SGCD: variants seen among roughly 807,000 people sequenced by gnomAD.
SGCD encodes sarcoglycan delta, also known as delta-sarcoglycan.
SGCD carries 18 observed loss-of-function variants against 36.6 expected under a neutral mutation model. The ratio of observed to expected loss-of-function variants is 0.49; its 90% CI spans 0.34 to 0.73. SGCD has a LOEUF of 0.73. SGCD is among the 30% of genes least tolerant of loss of function. The pLI, the probability that SGCD is intolerant of heterozygous loss-of-function variation, is 0.01. For synonymous variants in SGCD, 133 were observed against 130.6 expected (o/e 1.02, Z -0.12); for missense variants, 387 against 346.7 (o/e 1.12, Z -0.92).
At chr5:155,884,371 C>T (rs1229200919) in intron 1 of SGCD, among the ~76,000 whole-genome samples, 8 of 152,172 alleles carry the variant, frequency 5.3e-5, no homozygotes, top group East Asian at 1.9e-4. Context: ...AGTCCTGCCC[C>T]GTTCTCTGCC....
At chr5:156,609,413 G>C (rs182581388) in intron 6 of SGCD, among the ~76,000 whole-genome samples, 8,176 of 152,014 alleles carry the variant, frequency 0.054, 650 homozygotes, top group African/African-American at 0.17. Flanking sequence ...CCGAGAGATC[G>C]GCTGTTAGTC....
intron 3 of SGCD, among the ~76,000 whole-genome samples, chr5:156,383,447 T>G (rs1480429801): frequency 6.6e-6 from 1 of 151,798 alleles, no homozygotes; most frequent in Non-Finnish European, 1.5e-5. Context: ...GAGGTTACAG[T>G]GGGCCAAGAT....
chr5:156,433,320 G>A (rs982410761), intron 3 of SGCD, among the ~76,000 whole-genome samples: 3 of 152,078 alleles, frequency 2.0e-5, no homozygotes, highest in Admixed American at 6.6e-5. Context: ...ATTTGGACCA[G>A]GCAGATACCA....
chr5:156,279,216 A>G (rs928872731), intron 3 of SGCD, among the ~76,000 whole-genome samples: 11 of 152,318 alleles, frequency 7.2e-5, no homozygotes, highest in Admixed American at 7.2e-4. Flanking sequence ...TGGGCGGGGT[A>G]GGAAACACAA....
At chr5:156,095,376 G>C (rs1265963379) in intron 1 of SGCD, among the ~76,000 whole-genome samples, 2 of 152,194 alleles carry the variant, frequency 1.3e-5, no homozygotes, top group Non-Finnish European at 2.9e-5. Context: ...AGGGCAACAA[G>C]TGAGATAGTG....
At chr5:156,610,751 C>T (rs1401426224) in intron 6 of SGCD, among the ~76,000 whole-genome samples, 2 of 152,246 alleles carry the variant, frequency 1.3e-5, no homozygotes, top group African/African-American at 4.8e-5. Flanking sequence ...GTGGGCGCCC[C>T]TCCCCCAGCC....
chr5:156,146,435 G>T (rs1232419581), intron 3 of SGCD, among the ~76,000 whole-genome samples: 1 of 152,188 alleles, frequency 6.6e-6, no homozygotes, highest in Non-Finnish European at 1.5e-5. Context: ...AAAGGTACTT[G>T]ATGGTAGATG....
At chr5:155,790,021 G>A in the SGCD span, among the ~76,000 whole-genome samples, 3 of 151,954 alleles carry the variant, frequency 2.0e-5, no homozygotes, top group African/African-American at 7.2e-5. Flanking sequence ...AGAGCAATAA[G>A]GATCAAGTTA....
intron 3 of SGCD, among the ~76,000 whole-genome samples, chr5:156,473,944 C>T (rs1755075576): frequency 6.7e-6 from 1 of 150,338 alleles, no homozygotes; most frequent in Admixed American, 6.6e-5. Flanking sequence ...CAGTTTTCAA[C>T]TGTAGCTGTT....
At chr5:156,014,060 A>G (rs1436610032) in intron 1 of SGCD, among the ~76,000 whole-genome samples, 1 of 151,910 alleles carries the variant, frequency 6.6e-6, no homozygotes, top group Non-Finnish European at 1.5e-5. Context: ...ATCTTTTGCT[A>G]AGGGATGAAA....
intron 1 of SGCD, among the ~76,000 whole-genome samples, chr5:156,094,490 C>A (rs566939936): frequency 1.3e-5 from 2 of 152,214 alleles, no homozygotes; most frequent in Non-Finnish European, 1.5e-5. Context: ...TATTTATTCT[C>A]ATTTCCCAGT....
At chr5:155,855,368 ATAATATGCC>A in the SGCD span, among the ~76,000 whole-genome samples, 1 of 152,146 alleles carries the variant, frequency 6.6e-6, no homozygotes, top group African/African-American at 2.4e-5. Flanking sequence ...AATTTGTTTG[ATAATATGCC>A]CTTTGTTAAC....
chr5:156,534,053 G>GT (rs1170700003), intron 4 of SGCD, among the ~76,000 whole-genome samples: 1 of 152,050 alleles, frequency 6.6e-6, no homozygotes, highest in Non-Finnish European at 1.5e-5. Flanking sequence ...AATTTGCGTG[G>GT]TTTTTTCGGT....
At chr5:155,921,525 C>T (rs1452754623) in intron 1 of SGCD, among the ~76,000 whole-genome samples, 3 of 151,680 alleles carry the variant, frequency 2.0e-5, no homozygotes, top group Admixed American at 6.6e-5. Flanking sequence ...TGGGCTGAGA[C>T]TCTGGAAAGA....
chr5:156,344,602 C>T lies in SGCD; in HGVS notation c.117C>T (p.Val39=), dbSNP rs1768850599. ...GWRKRCLYFF[V]LLLMILILVN... is the part of the protein sequence containing the mutation. ...GGAAACGATGCCTGTATTTCTTTGT[C>T]CTGCTCCTCATGATTTTAATACTGG... is the stretch of plus-strand genomic sequence containing the variant. Residue 39 remains valine, a synonymous_variant, in exon 3 of 9, where the codon GTC becomes GTT. Coordinates refer to ENST00000337851, the MANE Select transcript of SGCD (RefSeq NM_000337.6). 1.2e-6 allele frequency: 2 copies of T among 1,611,792 alleles called. No individual in the cohort carries two copies. The highest frequency in any genetic ancestry group is 4.5e-5 in the East Asian group (2 of 44,760).
chr5:156,439,322 A>C (rs980801200), intron 3 of SGCD, among the ~76,000 whole-genome samples: 3 of 152,130 alleles, frequency 2.0e-5, no homozygotes, highest in African/African-American at 7.2e-5. Context: ...ATTGTGTGAC[A>C]TTGTGCTTCA....
chr5:156,304,960 G>A (rs1478380985), intron 3 of SGCD, among the ~76,000 whole-genome samples: 1 of 152,172 alleles, frequency 6.6e-6, no homozygotes, highest in Non-Finnish European at 1.5e-5. Context: ...TTTGGCAGAA[G>A]AAATTTCTAA....
chr5:155,928,188 C>T (rs1757029647), intron 1 of SGCD, among the ~76,000 whole-genome samples: 1 of 152,054 alleles, frequency 6.6e-6, no homozygotes, highest in Non-Finnish European at 1.5e-5. Context: ...TCCTAGGTGG[C>T]CCTCTTTAAT....
chr5:155,819,379 A>G, the SGCD span, among the ~76,000 whole-genome samples: 7,318 of 152,192 alleles, frequency 0.048, 234 homozygotes, highest in Middle Eastern at 0.14. Flanking sequence ...AACACGACTT[A>G]ATTATATTAA....
Sources: allele counts gnomAD v4.1 joint callset (sites outside exome capture counted in the v4.1 genomes callset), GRCh38; gene constraint gnomAD v4.1.1; transcripts MANE v1.5; gene names NCBI Gene and HGNC (gene_info 2026-07-23, HGNC 2026-07-21).